The following DGKB variants were observed in gnomAD, a reference collection of about 807,000 sequenced individuals.
DGKB encodes the protein 90 kDa diacylglycerol kinase.
DGKB carries 67 observed loss-of-function variants against 114.3 expected under a neutral mutation model. That is an observed-to-expected ratio of 0.59 (90% CI 0.48 to 0.72). The LOEUF is 0.72. Ranked by LOEUF, DGKB falls within the 30% of genes least tolerant of loss-of-function variation. DGKB has a pLI of 0.00. For missense variants in DGKB, 907 were observed against 975.2 expected (o/e 0.93, Z 0.93); for synonymous variants, 398 against 323.1 (o/e 1.23, Z -2.49).
intron 23 of DGKB, among the ~76,000 whole-genome samples, chr7:14,247,878 T>TA (rs898934772): frequency 1.3e-5 from 2 of 152,136 alleles, no homozygotes; most frequent in African/African-American, 4.8e-5. Context: ...ATTTTTGTTT[T>TA]TGTCGCCCGT....
At chr7:14,210,796 T>A (rs1787640551) in intron 23 of DGKB, among the ~76,000 whole-genome samples, 1 of 152,082 alleles carries the variant, frequency 6.6e-6, no homozygotes. Context: ...AGAATCTACA[T>A]AAACCAGCAC....
intron 21 of DGKB, among the ~76,000 whole-genome samples, chr7:14,354,819 C>G (rs2128614630): frequency 6.6e-6 from 1 of 152,198 alleles, no homozygotes; most frequent in Admixed American, 6.5e-5. Flanking sequence ...ATTATCATCA[C>G]CTCCCCTATA....
At chr7:14,567,528 A>T (rs1167374957) in intron 20 of DGKB, among the ~76,000 whole-genome samples, 3 of 95,966 alleles carry the variant, frequency 3.1e-5, no homozygotes, top group African/African-American at 4.0e-5. Context: ...TATATATTAT[A>T]ATTATATATA....
chr7:14,398,532 A>C lies in DGKB; in HGVS notation c.1836-53141T>G, dbSNP rs143179928. Among the ~76,000 whole-genome samples the C allele has an allele frequency of 2.2e-3, 342 of 152,202 alleles. 2 individuals carry two copies. Among genetic ancestry groups the C allele is most frequent in the Non-Finnish European group, 4.1e-3 (278 of 67,972 alleles). On this transcript the variant is annotated intron_variant, in intron 21 of 25. Coordinates refer to ENST00000402815, the MANE Select transcript of DGKB (RefSeq NM_001350709.2). ...CTATAAAATTCTTTTATAAAAAAGA[A>C]AACTTACTGGGATGTGTGAAGGCAA...
intron 23 of DGKB, among the ~76,000 whole-genome samples, chr7:14,234,409 G>C (rs907219025): frequency 2.0e-5 from 3 of 151,948 alleles, no homozygotes; most frequent in African/African-American, 7.2e-5. Flanking sequence ...ATGTATCTTA[G>C]CAGTAAAATA....
chr7:14,423,150 A>G (rs1261309007), intron 21 of DGKB, among the ~76,000 whole-genome samples: 1 of 152,032 alleles, frequency 6.6e-6, no homozygotes, highest in Admixed American at 6.6e-5. Flanking sequence ...GCTGACCCAA[A>G]TTATAGATGG....
chr7:14,278,061 A>G (rs750213848), intron 23 of DGKB, among the ~76,000 whole-genome samples: 11 of 152,184 alleles, frequency 7.2e-5, no homozygotes, highest in Non-Finnish European at 1.0e-4. Context: ...GGTCATTTGT[A>G]TGTCTTCTTT....
chr7:14,373,877 T>C (rs2128660739), intron 21 of DGKB, among the ~76,000 whole-genome samples: 2 of 152,222 alleles, frequency 1.3e-5, no homozygotes, highest in East Asian at 1.9e-4. Flanking sequence ...TTTTCTGAGA[T>C]TTCTCCCTAT....
intron 21 of DGKB, among the ~76,000 whole-genome samples, chr7:14,418,267 T>A (rs996088469): frequency 7.4e-6 from 1 of 135,710 alleles, no homozygotes; most frequent in Non-Finnish European, 1.6e-5. Flanking sequence ...TATATATGTA[T>A]ATATATTTTA....
At chr7:14,221,316 A>G (rs992722592) in intron 23 of DGKB, among the ~76,000 whole-genome samples, 9 of 151,406 alleles carry the variant, frequency 5.9e-5, no homozygotes, top group Non-Finnish European at 5.9e-5. Context: ...TGTGGGTTTT[A>G]CATAGAAGCC....
At chr7:14,512,092 T>A (rs913554639) in intron 20 of DGKB, among the ~76,000 whole-genome samples, 2 of 152,148 alleles carry the variant, frequency 1.3e-5, no homozygotes, top group Non-Finnish European at 2.9e-5. Context: ...CACATGCATT[T>A]AAAAAAATGG....
chr7:14,839,433 G>T (rs1280477776), intron 2 of DGKB, among the ~76,000 whole-genome samples: 1 of 146,588 alleles, frequency 6.8e-6, no homozygotes, highest in Non-Finnish European at 1.5e-5. Context: ...TTTTGACAGG[G>T]TCTGGCTGTC....
At position 14,682,557 on chromosome 7, in the gene DGKB, A is replaced by G. The variant is rs774190264; in HGVS notation, c.1031T>C (p.Ile344Thr). 1.1e-5 allele frequency: 17 copies of G among 1,608,870 alleles called. No individual in the cohort carries two copies. Among genetic ancestry groups the G allele is most frequent in the Non-Finnish European group, 1.4e-5 (17 of 1,175,486 alleles). Residue 344 changes from isoleucine to threonine, a missense_variant, in exon 12 of 26, where the codon ATC becomes ACC. This residue lies in a region of DGKB where 814 missense variants were observed against 856.6 expected (regional missense o/e 0.95). Coordinates refer to ENST00000402815, the MANE Select transcript of DGKB (RefSeq NM_001350709.2). ...LTGLHCVWCQ[I>T]TLHNKCASHL... is the part of the protein sequence containing the mutation. The stretch of plus-strand genomic sequence containing the variant: ...TGTTTTCCAATTTTTACTCACTGTG[A>G]TCTGACACCAAACACAATGCAGTCC...
At chr7:14,892,245 G>A (rs972096594) in intron 1 of DGKB, among the ~76,000 whole-genome samples, 1 of 151,290 alleles carries the variant, frequency 6.6e-6, no homozygotes. Context: ...CAGAATGGAG[G>A]CAATGCCCAG....
At chr7:14,281,792 A>G (rs1800001856) in intron 23 of DGKB, among the ~76,000 whole-genome samples, 1 of 151,622 alleles carries the variant, frequency 6.6e-6, no homozygotes, top group African/African-American at 2.4e-5. Context: ...AGGCAGAAAT[A>G]AAGATGTTCT....
chr7:14,487,191 C>T (rs368713774), intron 20 of DGKB, among the ~76,000 whole-genome samples: 120 of 152,310 alleles, frequency 7.9e-4, no homozygotes, highest in African/African-American at 2.7e-3. Flanking sequence ...TCTTCCACCA[C>T]ATTAGACTGT....
At chr7:14,250,273 T>A (rs1795038597) in intron 23 of DGKB, among the ~76,000 whole-genome samples, 2 of 152,070 alleles carry the variant, frequency 1.3e-5, no homozygotes, top group South Asian at 4.2e-4. Context: ...CTGGTTTCTT[T>A]TCTTAATGTA....
intron 1 of DGKB, among the ~76,000 whole-genome samples, chr7:14,855,979 G>T (rs546118159): frequency 1.7e-5 from 2 of 117,290 alleles, no homozygotes; most frequent in African/African-American, 6.5e-5. Context: ...TGCTAATTTA[G>T]ATAATGTGTA....
chr7:14,257,778 G>A (rs761525595), intron 23 of DGKB, among the ~76,000 whole-genome samples: 1 of 152,120 alleles, frequency 6.6e-6, no homozygotes, highest in Non-Finnish European at 1.5e-5. Flanking sequence ...CCAGGCTGGA[G>A]TGCAATGGCA....
Sources: gnomAD v4.1 joint callset for allele counts (sites outside exome capture counted in the v4.1 genomes callset) on GRCh38, gnomAD v4.1.1 for gene constraint, gnomAD v4.1.1 regional missense constraint, MANE v1.5 for transcripts, NCBI Gene and HGNC (gene_info 2026-07-23, HGNC 2026-07-21) for gene names.